Variants in SEMA4D observed in about 807,000 individuals in gnomAD.
The protein encoded by SEMA4D is semaphorin 4D, also known as semaphorin-4D.
In SEMA4D, 22 loss-of-function variants were observed where a neutral mutation model predicts 74.8. That is an observed-to-expected ratio of 0.29 (90% confidence interval 0.21 to 0.42). The LOEUF (loss-of-function observed/expected upper bound fraction) is 0.42, where lower values mean the gene tolerates loss of function less well. SEMA4D is among the 10% of genes least tolerant of loss of function. The pLI, the probability that SEMA4D is intolerant of heterozygous loss-of-function variation, is 1.00. For missense variants in SEMA4D, 937 were observed against 1,118.4 expected (o/e 0.84, Z 2.31); for synonymous variants, 445 against 463.7 (o/e 0.96, Z 0.52).
chr9:89,449,918 T>G, intron 2 of SEMA4D: 1 of 1,447,594 alleles, frequency 6.9e-7, no homozygotes, highest in Non-Finnish European at 9.7e-7. Flanking sequence ...TCATCACTAA[T>G]GTAGCTCGTA....
intron 1 of SEMA4D, among the ~76,000 whole-genome samples, chr9:89,483,233 G>A (rs376000615): frequency 7.2e-5 from 11 of 152,326 alleles, no homozygotes; most frequent in African/African-American, 1.9e-4. Context: ...GGAGCCAGGC[G>A]GCTTCCCAGG....
At chr9:89,368,968 G>C (rs1437101159) in intron 16 of SEMA4D, 4 of 152,238 alleles carry the variant, frequency 2.6e-5, no homozygotes, top group Non-Finnish European at 5.9e-5. Flanking sequence ...AGACAGCTGT[G>C]TTGTAAAGGC....
Position 89,497,937 on chromosome 9 carries a change from C to T in SEMA4D, c.-328G>A, listed in dbSNP as rs2136326638. ...CGCTTACCTGCAGCGCGCGTCCTGC[C>T]CGCGGCGGCTCCCGGCCGGGCGAGT... On this transcript the variant is annotated 5_prime_UTR_variant, in exon 1 of 16. Coordinates refer to ENST00000422704, the MANE Select transcript of SEMA4D (RefSeq NM_001371194.2). The T allele has an allele frequency of 6.7e-6, 1 of 150,112 alleles. No individual in the cohort carries two copies. The allele number at this position is 150,112 out of a possible 1,614,324, so 9.3% of individuals were successfully genotyped here. A position where few individuals can be genotyped will look rare whatever the true frequency, so the allele number is the denominator to read the frequency against.
chr9:89,422,503 G>A (rs1847184777), intron 2 of SEMA4D, among the ~76,000 whole-genome samples: 1 of 152,236 alleles, frequency 6.6e-6, no homozygotes, highest in African/African-American at 2.4e-5. Flanking sequence ...GAGCCTACAG[G>A]CTGGTAGAGG....
rs1238377851 is a variant in SEMA4D at position 89,391,428 on chromosome 9, G to T, written c.623-13C>A. The T allele has an allele frequency of 1.2e-6, 2 of 1,614,132 alleles. No homozygotes were observed. The highest frequency in any genetic ancestry group is 1.7e-6 in the Non-Finnish European group (2 of 1,180,000). Reference sequence around the variant, plus strand: ...ACGAAACTAGGCTCTGCAGAGAGAGGACAGTGATTATCCCAGAACACAGAG... The same window carrying T: ...ACGAAACTAGGCTCTGCAGAGAGAGTACAGTGATTATCCCAGAACACAGAG... On this transcript the variant is annotated splice_polypyrimidine_tract_variant and intron_variant, in intron 8 of 15. Coordinates refer to ENST00000422704, the MANE Select transcript of SEMA4D (RefSeq NM_001371194.2).
chr9:89,477,755 GCTTT>G (rs1311556112), intron 1 of SEMA4D, among the ~76,000 whole-genome samples: 1 of 152,170 alleles, frequency 6.6e-6, no homozygotes. Flanking sequence ...TTCACTCTTT[GCTTT>G]CTGTCTTCAT....
intron 1 of SEMA4D, among the ~76,000 whole-genome samples, chr9:89,467,845 A>T (rs984835881): frequency 7.2e-5 from 11 of 152,132 alleles, no homozygotes; most frequent in Admixed American, 2.6e-4. Context: ...ATTCTTATAA[A>T]TTGCTGCAAG....
At chr9:89,376,741 G>A, downstream of SEMA4D, 1 of 1,465,524 alleles carries the variant, frequency 6.8e-7, no homozygotes, top group Middle Eastern at 2.1e-4. Flanking sequence ...AAAGGAACAT[G>A]TGGAGGGATG....
intron 1 of SEMA4D, among the ~76,000 whole-genome samples, chr9:89,489,542 T>C (rs1825465106): frequency 6.6e-6 from 1 of 152,212 alleles, no homozygotes; most frequent in African/African-American, 2.4e-5. Context: ...ACTAACGTGT[T>C]TTCTGTCTGG....
chr9:89,402,484 C>T lies in SEMA4D; in HGVS notation c.252+387G>A, dbSNP rs531160841. ...GAGAAGCTATTTTTGATTATTTGCACGACAAGGGGCCCTTTCCAGTAAGAG... is the reference window on the plus strand; with the variant it reads ...GAGAAGCTATTTTTGATTATTTGCATGACAAGGGGCCCTTTCCAGTAAGAG... On this transcript the variant is annotated intron_variant, in intron 4 of 15. Transcript: ENST00000422704. Among the ~76,000 whole-genome samples the T allele has an allele frequency of 1.6e-4, 24 of 152,150 alleles. No homozygotes were observed. In the East Asian group the frequency reaches 2.5e-3, roughly 16 times the overall value.
intron 15 of SEMA4D, 118 bp downstream of exon 15, chr9:89,380,937 G>A (rs532185203): frequency 1.6e-6 from 2 of 1,250,274 alleles, no homozygotes; most frequent in East Asian, 4.9e-5. Context: ...CTTGACCTCT[G>A]TTCCGAGTGG....
In SEMA4D at chr9:89,486,043, T is replaced by C. The variant is rs145122784; in HGVS notation, c.-310+11876A>G. 4.6e-5 allele frequency among the ~76,000 whole-genome samples: 7 copies of C among 152,296 alleles called. No homozygotes were observed. The East Asian group carries it at 1.3e-3, about 29-fold the overall frequency. ...TCCATGAGACGGATAGAGTTTGGCA[T>C]ATCATTTATAACAAGGTCACCATGA... On this transcript the variant is annotated intron_variant, in intron 1 of 15. Coordinates refer to ENST00000422704, the MANE Select transcript of SEMA4D (RefSeq NM_001371194.2).
intron 2 of SEMA4D, among the ~76,000 whole-genome samples, chr9:89,409,844 C>T (rs1295906838): frequency 6.6e-6 from 1 of 152,144 alleles, no homozygotes; most frequent in African/African-American, 2.4e-5. Context: ...CTGCGTATCC[C>T]AATAAGCATG....
intron 1 of SEMA4D, among the ~76,000 whole-genome samples, chr9:89,466,968 C>T (rs759251147): frequency 2.0e-5 from 3 of 152,236 alleles, no homozygotes; most frequent in Non-Finnish European, 4.4e-5. Context: ...TACTCTTTTA[C>T]AAGCAACCAG....
At chr9:89,491,592 C>T (rs1326527362) in intron 1 of SEMA4D, among the ~76,000 whole-genome samples, 1 of 151,896 alleles carries the variant, frequency 6.6e-6, no homozygotes, top group Non-Finnish European at 1.5e-5. Flanking sequence ...ACAACAACAA[C>T]AACAACAAAC....
At chr9:89,384,579 A>G in intron 13 of SEMA4D, 1 of 844,360 alleles carries the variant, frequency 1.2e-6, no homozygotes, top group Non-Finnish European at 1.4e-6. Flanking sequence ...CTGCAAAACA[A>G]CGTGAATGTT....
intron 1 of SEMA4D, among the ~76,000 whole-genome samples, chr9:89,483,112 C>T (rs1180655166): frequency 6.6e-6 from 1 of 152,246 alleles, no homozygotes; most frequent in Non-Finnish European, 1.5e-5. Flanking sequence ...CCTGCTCCAA[C>T]CGTGCTCTTG....
At chr9:89,399,094 T>C (rs999435622) in intron 5 of SEMA4D, among the ~76,000 whole-genome samples, 182 bp downstream of exon 5, 4 of 152,078 alleles carry the variant, frequency 2.6e-5, no homozygotes, top group Non-Finnish European at 4.4e-5. Flanking sequence ...AGAAACCCAA[T>C]CCTGATACTC....
At chr9:89,475,460 G>A (rs556244289) in intron 1 of SEMA4D, among the ~76,000 whole-genome samples, 7 of 152,292 alleles carry the variant, frequency 4.6e-5, no homozygotes, top group Admixed American at 2.6e-4. Flanking sequence ...CCCACCACAC[G>A]GCCAGTGACC....
Sources: allele counts gnomAD v4.1 joint callset (sites outside exome capture counted in the v4.1 genomes callset), GRCh38; gene constraint gnomAD v4.1.1; transcripts MANE v1.5; gene names NCBI Gene and HGNC (gene_info 2026-07-23, HGNC 2026-07-21).